Variants in AUTS2 observed in about 807,000 individuals in gnomAD.
AUTS2 encodes the protein autism susceptibility gene 2 protein.
AUTS2 carries 17 observed loss-of-function variants against 112.4 expected under a neutral mutation model. The observed-to-expected ratio is 0.15, with a 90% CI of 0.10 to 0.23. The LOEUF (loss-of-function observed/expected upper bound fraction) is 0.23, where lower values mean the gene tolerates loss of function less well. Among genes scored for constraint, AUTS2 ranks in the 10% least tolerant of loss-of-function variants. The pLI is 1.00. For missense variants in AUTS2, 1,510 were observed against 1,701.6 expected (o/e 0.89, Z 1.98); for synonymous variants, 751 against 702.7 (o/e 1.07, Z -1.09).
chr7:70,282,044 T>A (rs1788241960), intron 4 of AUTS2, among the ~76,000 whole-genome samples: 1 of 152,086 alleles, frequency 6.6e-6, no homozygotes, highest in African/African-American at 2.4e-5. Flanking sequence ...AATTTTGAGT[T>A]CTTGGAGCAA....
intron 5 of AUTS2, among the ~76,000 whole-genome samples, chr7:70,517,503 GCAAATTGTATATACACATATATA>G (rs1563010325): frequency 6.7e-6 from 1 of 149,778 alleles, no homozygotes; most frequent in African/African-American, 2.5e-5. Flanking sequence ...GTGTTTTGGG[GCAAATTGTATATACACATATATA>G]CAAATTGCAT....
rs4717537 is a variant in AUTS2 at position 70,601,971 on chromosome 7, T to G, written c.691-96598T>G. On this transcript the variant is annotated intron_variant, in intron 5 of 18. Transcript: ENST00000342771. ...GTGAGAAAAAAGTTTGTAGGTGTCC[T>G]TAAATAGTCTCTGATTCCCTATTAG... 6.9e-3 allele frequency among the ~76,000 whole-genome samples: 1,044 copies of G among 152,256 alleles called. 33 individuals are homozygous for G. Among genetic ancestry groups the G allele is most frequent in the Admixed American group, 0.06 (922 of 15,296 alleles).
intron 6 of AUTS2, among the ~76,000 whole-genome samples, chr7:70,734,018 T>G (rs1352508564): frequency 6.6e-6 from 1 of 152,138 alleles, no homozygotes; most frequent in African/African-American, 2.4e-5. Context: ...CTTTTATTTT[T>G]CAGAATCCCT....
chr7:70,179,561 T>C (rs763677788), intron 4 of AUTS2, among the ~76,000 whole-genome samples: 26 of 152,210 alleles, frequency 1.7e-4, no homozygotes, highest in Non-Finnish European at 3.2e-4. Context: ...TGGCAGATGT[T>C]TTCTGCAGAT....
At chr7:69,736,424 G>A (rs1021007681) in intron 1 of AUTS2, among the ~76,000 whole-genome samples, 3 of 152,172 alleles carry the variant, frequency 2.0e-5, no homozygotes, top group African/African-American at 7.2e-5. Context: ...CAGAAGTGAG[G>A]ATCTGTTGTA....
In AUTS2 at chr7:70,645,602, CG is replaced by C. The variant is rs1372547683; in HGVS notation, c.691-52966del. Among the ~76,000 whole-genome samples the C allele has an allele frequency of 5.3e-5, 8 of 152,270 alleles. No homozygotes were observed. In the East Asian group the frequency reaches 1.6e-3, roughly 30 times the overall value. On this transcript the variant is annotated intron_variant, in intron 5 of 18. Transcript: ENST00000342771. ...CTGGGCAGACCATGGGGCCTGCTCA[CG>C]AAGGCAAGAGATGTATCTTGCCTTC... is the stretch of plus-strand genomic sequence containing the variant.
chr7:69,801,758 CAG>C (rs1011274130), intron 1 of AUTS2, among the ~76,000 whole-genome samples: 1 of 152,042 alleles, frequency 6.6e-6, no homozygotes, highest in African/African-American at 2.4e-5. Flanking sequence ...GTGAACAAAA[CAG>C]ACAACAATCT....
Position 70,760,040 on chromosome 7 carries a change from C to T in AUTS2, c.743-2830C>T, listed in dbSNP as rs539921546. On this transcript the variant is annotated intron_variant, in intron 6 of 18. Transcript: ENST00000342771. Reference sequence around the variant, plus strand: ...TTTTTTTTTGAGACGGAGTCTCACACTGTCGCCTAGGCTGGAGTGCAGTGG... The same window carrying T: ...TTTTTTTTTGAGACGGAGTCTCACATTGTCGCCTAGGCTGGAGTGCAGTGG... Among the ~76,000 whole-genome samples, 7 of 151,400 alleles carry T rather than the reference C, an allele frequency of 4.6e-5. No homozygotes were observed. In the East Asian group the frequency reaches 1.4e-3, roughly 30 times the overall value.
intron 3 of AUTS2, among the ~76,000 whole-genome samples, chr7:70,131,829 G>T (rs1441381238): frequency 1.3e-5 from 2 of 151,940 alleles, no homozygotes; most frequent in African/African-American, 2.4e-5. Flanking sequence ...CCCTGTGGCT[G>T]GTAACTTCTG....
At chr7:70,470,757 T>C (rs904752558) in intron 5 of AUTS2, among the ~76,000 whole-genome samples, 5 of 152,148 alleles carry the variant, frequency 3.3e-5, no homozygotes, top group African/African-American at 1.2e-4. Context: ...AGATGGTCTG[T>C]AACCCCACCG....
chr7:70,617,066 A>T (rs1043305400), intron 5 of AUTS2, among the ~76,000 whole-genome samples: 2 of 152,106 alleles, frequency 1.3e-5, no homozygotes, highest in Non-Finnish European at 2.9e-5. Context: ...TTTTCATGTG[A>T]TGGTAAGACA....
chr7:70,590,756 CAT>C (rs372379048), intron 5 of AUTS2, among the ~76,000 whole-genome samples: 1 of 152,194 alleles, frequency 6.6e-6, no homozygotes, highest in African/African-American at 2.4e-5. Flanking sequence ...GTCAACAAAA[CAT>C]AACAGATTTC....
intron 1 of AUTS2, among the ~76,000 whole-genome samples, chr7:69,812,634 G>GT (rs1215576800): frequency 1.3e-5 from 2 of 152,010 alleles, no homozygotes; most frequent in Non-Finnish European, 2.9e-5. Context: ...ACTTTCAACT[G>GT]TATTTTGTTT....
At position 70,631,915 on chromosome 7, in the gene AUTS2, G is replaced by A. The variant is rs4718972; in HGVS notation, c.691-66654G>A. Among the ~76,000 whole-genome samples the A allele has an allele frequency of 0.48, 73,426 of 151,666 alleles. 18,402 individuals carry two copies. The highest frequency in any genetic ancestry group is 0.84 in the East Asian group (4,307 of 5,112). ...GTGACCAGAGGGGAGACTGCCTGTG[G>A]TGAAAAGGACAAGGAGATTTGCATC... On this transcript the variant is annotated intron_variant, in intron 5 of 18. Coordinates refer to ENST00000342771, the MANE Select transcript of AUTS2 (RefSeq NM_015570.4). The surrounding 1 kb of genome is among the most constrained non-coding windows in gnomAD (Gnocchi z 4.5).
chr7:69,989,810 G>C (rs1179822183), intron 2 of AUTS2, among the ~76,000 whole-genome samples: 3 of 152,168 alleles, frequency 2.0e-5, no homozygotes, highest in Non-Finnish European at 4.4e-5. Flanking sequence ...TGAGCAGCAG[G>C]CTAACAAACA....
intron 4 of AUTS2, among the ~76,000 whole-genome samples, chr7:70,378,067 C>T (rs557475640): frequency 3.3e-5 from 5 of 152,164 alleles, no homozygotes; most frequent in South Asian, 2.1e-4. Flanking sequence ...TGAGCCACCG[C>T]GCCCGGCCAG....
chr7:70,786,813 G>A (rs1563199667), intron 17 of AUTS2: 1 of 331,044 alleles, frequency 3.0e-6, no homozygotes, highest in African/African-American at 2.2e-5. Flanking sequence ...GGTGGGTAGA[G>A]GAGACAGTGA....
chr7:69,990,152 T>C (rs1255311111), intron 2 of AUTS2, among the ~76,000 whole-genome samples: 2 of 152,196 alleles, frequency 1.3e-5, no homozygotes, highest in Non-Finnish European at 2.9e-5. Context: ...GTGCCTCAAT[T>C]TCCTTATCTG....
chr7:70,679,201 CACTT>C (rs528950425), intron 5 of AUTS2, among the ~76,000 whole-genome samples: 245 of 152,230 alleles, frequency 1.6e-3, no homozygotes, highest in African/African-American at 4.1e-3. Flanking sequence ...TCAAAATACA[CACTT>C]AGGCAAAACT....
Sources: gnomAD v4.1 joint callset for allele counts (sites outside exome capture counted in the v4.1 genomes callset) on GRCh38, gnomAD v4.1.1 for gene constraint, Gnocchi (gnomAD v3.1) non-coding constraint, MANE v1.5 for transcripts, NCBI Gene and HGNC (gene_info 2026-07-23, HGNC 2026-07-21) for gene names.